The following PTPRM variants were observed in gnomAD, a reference collection of about 807,000 sequenced individuals.
PTPRM encodes protein tyrosine phosphatase receptor type M, also known as receptor-type tyrosine-protein phosphatase mu.
In PTPRM, 47 loss-of-function variants were observed where a neutral mutation model predicts 186.7. That is an observed-to-expected ratio of 0.25 (90% CI 0.20 to 0.32). The LOEUF is 0.32. Ranked by LOEUF, PTPRM falls within the 10% of genes least tolerant of loss-of-function variation. The probability of loss-of-function intolerance (pLI) is 1.00; values close to 1 mark genes in which losing one functional copy is unlikely to be tolerated. For missense variants in PTPRM, 1,494 were observed against 1,865.0 expected (o/e 0.80, Z 3.66); for synonymous variants, 668 against 674.9 (o/e 0.99, Z 0.16).
intron 14 of PTPRM, among the ~76,000 whole-genome samples, chr18:8,226,109 G>A (rs12454998): frequency 0.19 from 28,488 of 151,832 alleles, 2,710 homozygotes; most frequent in Non-Finnish European, 0.2. Flanking sequence ...ATTGAGGAAC[G>A]TTTCTGTAAC....
chr18:8,051,412 C>T lies in PTPRM; in HGVS notation c.1133-18274C>T, dbSNP rs115503253. ...AACAGAATACTTCTAGAACCTTTTC[C>T]CCTAACTGTAGTCTTCTGCTCATTT... On this transcript the variant is annotated intron_variant, in intron 7 of 32. Coordinates refer to ENST00000580170, the MANE Select transcript of PTPRM (RefSeq NM_001105244.2). Among the ~76,000 whole-genome samples, 1,091 of 152,292 alleles carry T rather than the reference C, an allele frequency of 7.2e-3. 9 individuals carry two copies. The highest frequency in any genetic ancestry group is 0.024 in the African/African-American group (1,011 of 41,560).
intron 11 of PTPRM, among the ~76,000 whole-genome samples, chr18:8,104,776 G>T (rs545645279): frequency 3.3e-4 from 50 of 152,260 alleles, no homozygotes; most frequent in African/African-American, 1.1e-3. Flanking sequence ...ATATAATTTT[G>T]AGAACTTGAA....
At chr18:8,343,034 A>G (rs1160638174) in intron 22 of PTPRM, among the ~76,000 whole-genome samples, 1 of 152,238 alleles carries the variant, frequency 6.6e-6, no homozygotes, top group Non-Finnish European at 1.5e-5. Context: ...TTCATTCTAT[A>G]TACCACTTCC....
intron 13 of PTPRM, among the ~76,000 whole-genome samples, chr18:8,134,514 T>C (rs377625079): frequency 6.6e-6 from 1 of 152,190 alleles, no homozygotes; most frequent in East Asian, 1.9e-4. Flanking sequence ...CATTTGTGCT[T>C]CTTTTCTTTG....
intron 5 of PTPRM, among the ~76,000 whole-genome samples, chr18:7,928,249 G>T (rs1351475218): frequency 6.6e-6 from 1 of 152,142 alleles, no homozygotes; most frequent in Non-Finnish European, 1.5e-5. Flanking sequence ...TTGCTGGCCA[G>T]GAAGTGTATG....
chr18:8,314,292 TGATGCCCGCA>T (rs2095291929), intron 20 of PTPRM, among the ~76,000 whole-genome samples: 1 of 152,162 alleles, frequency 6.6e-6, no homozygotes, highest in African/African-American at 2.4e-5. Flanking sequence ...TCTTGCTGGC[TGATGCCCGCA>T]GATACAGATA....
At chr18:8,355,129 G>T (rs994812078) in intron 23 of PTPRM, among the ~76,000 whole-genome samples, 8 of 152,118 alleles carry the variant, frequency 5.3e-5, no homozygotes, top group Admixed American at 5.2e-4. Flanking sequence ...AGAAAGCCAG[G>T]GATGCTAAGA....
intron 1 of PTPRM, among the ~76,000 whole-genome samples, chr18:7,677,656 A>G (rs2039376918): frequency 6.6e-6 from 1 of 152,092 alleles, no homozygotes. Context: ...TTCTTCCATG[A>G]TCAGGCCTGC....
chr18:7,691,677 G>T (rs952665456), intron 1 of PTPRM, among the ~76,000 whole-genome samples: 1 of 152,184 alleles, frequency 6.6e-6, no homozygotes, highest in Non-Finnish European at 1.5e-5. Context: ...TACTTTGGGA[G>T]GTTGAGGCGG....
intron 14 of PTPRM, among the ~76,000 whole-genome samples, chr18:8,237,735 C>G (rs1005077941): frequency 6.6e-6 from 1 of 151,922 alleles, no homozygotes; most frequent in African/African-American, 2.4e-5. Context: ...TGTGAGCCAC[C>G]GCACCTGGCC....
At position 8,122,795 on chromosome 18, in the gene PTPRM, C is replaced by T. The variant is rs373660157; in HGVS notation, c.2167+7968C>T. On this transcript the variant is annotated intron_variant, in intron 13 of 32. Coordinates refer to ENST00000580170, the MANE Select transcript of PTPRM (RefSeq NM_001105244.2). The stretch of plus-strand genomic sequence containing the variant: ...GGCTGCCAGTAGTATTAAACGAAGC[C>T]CCCCAAAGGTGTTTAGGGTGGCAGT... 2.0e-5 allele frequency among the ~76,000 whole-genome samples: 3 copies of T among 152,224 alleles called. No individual in the cohort carries two copies. In the East Asian group the frequency reaches 5.8e-4, roughly 29 times the overall value.
chr18:7,834,528 A>ACACT lies in PTPRM; in HGVS notation c.197-53577_197-53576insACTC, dbSNP rs763752808. On this transcript the variant is annotated intron_variant, in intron 2 of 32. Transcript: ENST00000580170. ...CACACACACACACACACACACACACACTTCCAGACTCATTCTTTCAGGTCA... is the reference window on the plus strand; with the variant it reads ...CACACACACACACACACACACACACACACTCTTCCAGACTCATTCTTTCAGGTCA... Among the ~76,000 whole-genome samples the ACACT allele has an allele frequency of 5.6e-3, 814 of 146,242 alleles. 31 individuals carry two copies. The East Asian group carries it at 0.079, about 14-fold the overall frequency.
chr18:7,771,383 A>C (rs1156514143), intron 1 of PTPRM, among the ~76,000 whole-genome samples: 1 of 152,212 alleles, frequency 6.6e-6, no homozygotes, highest in Non-Finnish European at 1.5e-5. Flanking sequence ...TGCAACCGAG[A>C]GACAATACTT....
intron 1 of PTPRM, among the ~76,000 whole-genome samples, chr18:7,681,359 G>A (rs1331321678): frequency 6.6e-6 from 1 of 152,088 alleles, no homozygotes; most frequent in African/African-American, 2.4e-5. Flanking sequence ...TGACTAGAGA[G>A]TAGCCCACAC....
intron 7 of PTPRM, among the ~76,000 whole-genome samples, chr18:8,039,520 C>T (rs192546528): frequency 3.3e-5 from 5 of 152,000 alleles, no homozygotes; most frequent in East Asian, 3.9e-4. Context: ...TGCTAAGTTC[C>T]GTATTTTTCG....
chr18:8,279,887 G>A (rs948481303), intron 19 of PTPRM, among the ~76,000 whole-genome samples: 3 of 152,116 alleles, frequency 2.0e-5, no homozygotes, highest in African/African-American at 4.8e-5. Flanking sequence ...TCAGCTCAGG[G>A]GTCTGGCTTT....
chr18:8,063,110 A>T (rs1363202588), intron 7 of PTPRM, among the ~76,000 whole-genome samples: 3 of 150,646 alleles, frequency 2.0e-5, no homozygotes, highest in South Asian at 2.1e-4. Context: ...AATCAGCGAG[A>T]CTCCGTGGGC....
intron 7 of PTPRM, among the ~76,000 whole-genome samples, chr18:8,006,167 T>C (rs2147816252): frequency 6.6e-6 from 1 of 152,350 alleles, no homozygotes; most frequent in South Asian, 2.1e-4. Context: ...GTAATTAAGA[T>C]AAATCTATTT....
chr18:8,217,691 A>G (rs2094106612), intron 14 of PTPRM, among the ~76,000 whole-genome samples: 1 of 152,202 alleles, frequency 6.6e-6, no homozygotes, highest in African/African-American at 2.4e-5. Flanking sequence ...CAATTTACAT[A>G]GTAAAGACCA....
Sources: gnomAD v4.1 joint callset for allele counts (sites outside exome capture counted in the v4.1 genomes callset) on GRCh38, gnomAD v4.1.1 for gene constraint, MANE v1.5 for transcripts, NCBI Gene and HGNC (gene_info 2026-07-23, HGNC 2026-07-21) for gene names.